Variants in SCOC observed in about 807,000 individuals in gnomAD.
SCOC encodes short coiled coil protein.
A neutral mutation model predicts 9.9 loss-of-function variants in SCOC; 7 were observed. That is an observed-to-expected ratio of 0.71 (90% confidence interval 0.40 to 1.33). SCOC has a LOEUF of 1.33. Among genes scored for constraint, SCOC ranks in the 40% most tolerant of loss-of-function variants. SCOC has a pLI of 0.01. For missense variants in SCOC, 66 were observed against 89.7 expected, an observed-to-expected ratio of 0.74 and a Z score of 1.07; for synonymous variants, 19 against 28.2, an observed-to-expected ratio of 0.67 and a Z score of 1.03.
chr4:140,341,005 C>T (rs1462351749), upstream of SCOC, among the ~76,000 whole-genome samples: 2 of 151,578 alleles, frequency 1.3e-5, no homozygotes, highest in South Asian at 4.2e-4. Flanking sequence ...ACCATGCTGG[C>T]CAGGCTGGTC....
At chr4:140,271,202 G>A (rs1560676155) in intron 1 of SCOC, among the ~76,000 whole-genome samples, 1 of 152,208 alleles carries the variant, frequency 6.6e-6, no homozygotes, top group Admixed American at 6.5e-5. Context: ...ACTCAGAGAC[G>A]ATGGATGATG....
chr4:140,341,598 A>G (rs1274145269), upstream of SCOC, among the ~76,000 whole-genome samples: 1 of 152,204 alleles, frequency 6.6e-6, no homozygotes, highest in Admixed American at 6.5e-5. Flanking sequence ...CAAGAGAGGA[A>G]TTTTTATGCT....
intron 2 of SCOC, among the ~76,000 whole-genome samples, chr4:140,356,467 T>C (rs1329896784): frequency 6.6e-6 from 1 of 152,198 alleles, no homozygotes; most frequent in Admixed American, 6.5e-5. Context: ...AAAGTATCAT[T>C]TTAAAATCAT....
At chr4:140,258,920 G>A (rs1352290819) in intron 1 of SCOC, among the ~76,000 whole-genome samples, 1 of 152,152 alleles carries the variant, frequency 6.6e-6, no homozygotes, top group East Asian at 1.9e-4. Flanking sequence ...ACTTACCTCT[G>A]AGCCAGAGTA....
intron 1 of SCOC, among the ~76,000 whole-genome samples, chr4:140,274,648 T>C (rs1327463818): frequency 2.0e-5 from 3 of 152,242 alleles, no homozygotes; most frequent in Non-Finnish European, 4.4e-5. Context: ...CCATGCATGA[T>C]AAAACTTCCT....
chr4:140,309,675 C>T (rs780199167), intron 1 of SCOC, among the ~76,000 whole-genome samples: 1 of 152,160 alleles, frequency 6.6e-6, no homozygotes, highest in Non-Finnish European at 1.5e-5. Context: ...ATAACATATG[C>T]AAGAGAAAAA....
At chr4:140,279,072 C>A (rs1731046223) in intron 1 of SCOC, among the ~76,000 whole-genome samples, 1 of 152,182 alleles carries the variant, frequency 6.6e-6, no homozygotes. Context: ...CTGCACTTCA[C>A]CCAGCCTCAT....
At chr4:140,332,085 G>A (rs1732830995) in intron 1 of SCOC, among the ~76,000 whole-genome samples, 1 of 152,116 alleles carries the variant, frequency 6.6e-6, no homozygotes, top group South Asian at 2.1e-4. Context: ...CATGTGAACA[G>A]CACTAGTGGG....
At chr4:140,352,270 A>C (rs1727013061) in intron 2 of SCOC, among the ~76,000 whole-genome samples, 1 of 152,362 alleles carries the variant, frequency 6.6e-6, no homozygotes, top group Admixed American at 6.5e-5. Context: ...GAAATCAAAC[A>C]AGTATGTTAA....
At chr4:140,360,314 T>C (rs1185469532) in intron 2 of SCOC, among the ~76,000 whole-genome samples, 1 of 152,222 alleles carries the variant, frequency 6.6e-6, no homozygotes, top group East Asian at 1.9e-4. Flanking sequence ...AATAGGCTTT[T>C]GTCACTAATA....
chr4:140,327,458 A>G (rs1457467094), intron 1 of SCOC, among the ~76,000 whole-genome samples: 1 of 152,074 alleles, frequency 6.6e-6, no homozygotes, highest in African/African-American at 2.4e-5. Context: ...ATCACTTATT[A>G]GTGGACAATT....
intron 1 of SCOC, among the ~76,000 whole-genome samples, chr4:140,262,780 C>T (rs769950472): frequency 5.9e-5 from 9 of 151,288 alleles, no homozygotes; most frequent in East Asian, 1.9e-4. Flanking sequence ...GGCGGAGGGG[C>T]GAAGGGGAAG....
chr4:140,346,143 G>T (rs766394150), intron 2 of SCOC, among the ~76,000 whole-genome samples: 6 of 152,116 alleles, frequency 3.9e-5, no homozygotes, highest in Admixed American at 2.0e-4. Flanking sequence ...TTTCTGCATG[G>T]ATATTGAGTG....
At position 140,366,924 on chromosome 4, in the gene SCOC, G is replaced by T; in HGVS notation, c.71-12197G>T. ...ATTCTTTTATAAAATATTAGTTATTGACCAGGCGTGGTGGCTCACGCATGT... is the reference window on the plus strand; with the variant it reads ...ATTCTTTTATAAAATATTAGTTATTTACCAGGCGTGGTGGCTCACGCATGT... On this transcript the variant is annotated intron_variant, in intron 2 of 4. Coordinates refer to the SCOC transcript ENST00000338517. 8.6e-6 allele frequency: 5 copies of T among 581,328 alleles called. No homozygotes were observed. In the South Asian group the frequency reaches 9.5e-5, roughly 11 times the overall value. 36.0% of individuals were successfully genotyped at this position (581,328 alleles called of 1,614,324 possible). A position where few individuals can be genotyped will look rare whatever the true frequency, so the allele number is the denominator to read the frequency against.
At chr4:140,312,712 G>T (rs1732192387) in intron 1 of SCOC, among the ~76,000 whole-genome samples, 1 of 152,168 alleles carries the variant, frequency 6.6e-6, no homozygotes, top group South Asian at 2.1e-4. Flanking sequence ...GGGATTACAG[G>T]CATGAGCCAT....
chr4:140,287,651 G>T (rs1731333528), intron 1 of SCOC, among the ~76,000 whole-genome samples: 1 of 151,768 alleles, frequency 6.6e-6, no homozygotes, highest in Non-Finnish European at 1.5e-5. Flanking sequence ...AGAGTATGCA[G>T]GTACATATAC....
Position 140,380,991 on chromosome 4 carries a change from G to A in SCOC, c.136G>A (p.Glu46Lys). 1 of 1,602,648 alleles carries A rather than the reference G, an allele frequency of 6.2e-7. No individual in the cohort carries two copies. Among genetic ancestry groups the A allele is most frequent in the Non-Finnish European group, 8.5e-7 (1 of 1,176,806 alleles). The change falls in exon 4 of 4, where the codon GAA becomes AAA. Residue 46 changes from glutamate (E) to lysine (K), a missense_variant. Transcript: ENST00000608372. ...DLSARVDAVK[E>K]ENLKLKSENQ... Reference sequence around the variant, plus strand: ...CTCTGCAAGAGTAGATGCAGTTAAGGAAGAAAATCTGAAGCTAAAATCAGA... The same window carrying A: ...CTCTGCAAGAGTAGATGCAGTTAAGAAAGAAAATCTGAAGCTAAAATCAGA...
At chr4:140,306,726 G>C (rs1233863689) in intron 1 of SCOC, among the ~76,000 whole-genome samples, 3 of 152,080 alleles carry the variant, frequency 2.0e-5, no homozygotes, top group South Asian at 4.1e-4. Context: ...ATTTCCCTCT[G>C]GCCTAACTTA....
chr4:140,290,241 C>T (rs956576339), intron 1 of SCOC, among the ~76,000 whole-genome samples: 1 of 152,256 alleles, frequency 6.6e-6, no homozygotes, highest in Non-Finnish European at 1.5e-5. Flanking sequence ...AGCAGCCATA[C>T]AACAGTGTCA....
Sources: allele counts gnomAD v4.1 joint callset (sites outside exome capture counted in the v4.1 genomes callset), GRCh38; gene constraint gnomAD v4.1.1; transcripts MANE v1.5; gene names NCBI Gene and HGNC (gene_info 2026-07-23, HGNC 2026-07-21).